The following RAD9B variants were observed in gnomAD, a reference collection of about 807,000 sequenced individuals.
RAD9B encodes the protein RAD9 checkpoint clamp component B, also known as cell cycle checkpoint control protein RAD9B.
In RAD9B, 41 loss-of-function variants were observed where a neutral mutation model predicts 48.3. The observed-to-expected ratio is 0.85, with a 90% CI of 0.66 to 1.10. The LOEUF is 1.10. Ranked by LOEUF, RAD9B falls within the 50% of genes least tolerant of loss-of-function variation. The probability of loss-of-function intolerance (pLI) is 0.00; values close to 1 mark genes in which losing one functional copy is unlikely to be tolerated. For missense variants in RAD9B, 444 were observed against 485.1 expected (o/e 0.92, Z 0.80); for synonymous variants, 160 against 157.9 (o/e 1.01, Z -0.10).
chr12:110,522,027 T>G, intron 9 of RAD9B, 150 bp from the exon 10 acceptor site: 1 of 596,628 alleles, frequency 1.7e-6, no homozygotes, highest in Non-Finnish European at 3.0e-6. Context: ...ATCATATATA[T>G]AAATTTTAAC....
chr12:110,508,535 G>A (rs2063360432), intron 4 of RAD9B, among the ~76,000 whole-genome samples: 1 of 152,224 alleles, frequency 6.6e-6, no homozygotes, highest in Non-Finnish European at 1.5e-5. Flanking sequence ...AATAAAAACA[G>A]ACGGTCCAAC....
chr12:110,532,352 G>A lies in RAD9B; in HGVS notation c.*1699G>A, dbSNP rs74550625. Among the ~76,000 whole-genome samples, 16 of 152,314 alleles carry A rather than the reference G, an allele frequency of 1.1e-4. 1 individual carries two copies. The East Asian group carries it at 3.1e-3, about 29-fold the overall frequency. ...TTCATTCATTGAAGTAGGCAGAGGG[G>A]TTTAGGTCTTAAAGGCATCATCATC... On this transcript the variant is annotated 3_prime_UTR_variant, in exon 11 of 11. Transcript: ENST00000409300.
Position 110,530,685 on chromosome 12 carries a change from C to G in RAD9B, c.*32C>G. On this transcript the variant is annotated 3_prime_UTR_variant, in exon 11 of 11. Coordinates refer to ENST00000409300, the MANE Select transcript of RAD9B (RefSeq NM_001286535.2). ...ATGATGGCTGAGCTGGGCCCCAGCC[C>G]AGTGACTGGCTCATTTGCCCCTCAA... 1 of 1,611,784 alleles carries G rather than the reference C, an allele frequency of 6.2e-7. No individual in the cohort carries two copies. Among genetic ancestry groups the G allele is most frequent in the Non-Finnish European group, 8.5e-7 (1 of 1,178,640 alleles).
chr12:110,507,332 TTATATA>T (rs1391336530), intron 4 of RAD9B, among the ~76,000 whole-genome samples: 1 of 146,036 alleles, frequency 6.8e-6, no homozygotes, highest in South Asian at 2.1e-4. Flanking sequence ...AGCTGCTTGA[TTATATA>T]TATGTATATT....
intron 4 of RAD9B, among the ~76,000 whole-genome samples, chr12:110,508,562 A>G (rs1377057476): frequency 6.6e-6 from 1 of 152,256 alleles, no homozygotes; most frequent in East Asian, 1.9e-4. Context: ...TAGCTTAAAA[A>G]ATAAAGTATT....
At position 110,531,962 on chromosome 12, in the gene RAD9B, G is replaced by T; in HGVS notation, c.*1309G>T. ...GAGAAATTCATAAAGGTGGCTGAGTGGATTTGCATGCTTTAGAACTGTGAA... is the reference window on the plus strand; with the variant it reads ...GAGAAATTCATAAAGGTGGCTGAGTTGATTTGCATGCTTTAGAACTGTGAA... On this transcript the variant is annotated 3_prime_UTR_variant, in exon 11 of 11. Coordinates refer to ENST00000409300, the MANE Select transcript of RAD9B (RefSeq NM_001286535.2). 1 of 274,938 alleles carries T rather than the reference G, an allele frequency of 3.6e-6. No homozygotes were observed. The highest frequency in any genetic ancestry group is 4.9e-5 in the South Asian group (1 of 20,320). 17.0% of individuals were successfully genotyped at this position (274,938 alleles called of 1,614,324 possible). A position where few individuals can be genotyped will look rare whatever the true frequency, so the allele number is the denominator to read the frequency against.
intron 6 of RAD9B, among the ~76,000 whole-genome samples, chr12:110,515,764 A>T (rs139720157): frequency 6.6e-6 from 1 of 152,194 alleles, no homozygotes; most frequent in African/African-American, 2.4e-5. Context: ...TAAGGAGAGG[A>T]TACAAAGGAA....
intron 2 of RAD9B, among the ~76,000 whole-genome samples, chr12:110,505,352 G>T (rs1273764133): frequency 6.6e-6 from 1 of 152,032 alleles, no homozygotes; most frequent in Non-Finnish European, 1.5e-5. Flanking sequence ...AACATCCCAT[G>T]TTCTTATTTG....
In RAD9B at chr12:110,515,084, A is replaced by G. The variant is rs937421105; in HGVS notation, c.523A>G (p.Ser175Gly). The G allele has an allele frequency of 5.1e-6, 8 of 1,556,000 alleles. No homozygotes were observed. Among genetic ancestry groups the G allele is most frequent in the Non-Finnish European group, 7.0e-6 (8 of 1,148,362 alleles). Residue 175 changes from serine to glycine, a missense_variant, in exon 6 of 11, where the codon AGT becomes GGT. Transcript: ENST00000409300. ...TGATGCCATTGTTCTTTTTACATCA[A>G]GTCAAGAGGAAGTTACTCTTGCTGT... is the stretch of plus-strand genomic sequence containing the variant. The part of the protein sequence containing the change: ...LADAIVLFTS[S>G]QEEVTLAVTP...
At chr12:110,520,628 CTTTTT>C (rs71083129) in intron 9 of RAD9B, among the ~76,000 whole-genome samples, 253 of 99,984 alleles carry the variant, frequency 2.5e-3, no homozygotes, top group African/African-American at 9.0e-3. Flanking sequence ...TTCTTGCTTT[CTTTTT>C]TTTTTTTTTT....
chr12:110,506,234 G>A (rs2063262296), intron 3 of RAD9B, among the ~76,000 whole-genome samples: 2 of 147,992 alleles, frequency 1.4e-5, no homozygotes, highest in South Asian at 4.2e-4. Flanking sequence ...TGTCGCCCAG[G>A]CTGGAGTGCG....
rs1262929089 is a variant in RAD9B at position 110,519,799 on chromosome 12, T to C, written c.773T>C (p.Leu258Pro). ...CTCTGACTTGGCTTTTTTAGACCTC[T>C]GGCTTTGAGTATTGATGATATGTTA... ...SIYFDFPGKP[L>P]ALSIDDMLVE... Residue 258 changes from leucine (L) to proline (P), a missense_variant, in exon 9 of 11, where the codon CTG becomes CCG. Leu to Pro is a moderately conservative substitution (Grantham distance 98). Coordinates refer to ENST00000409300, the MANE Select transcript of RAD9B (RefSeq NM_001286535.2). 1.9e-6 allele frequency: 3 copies of C among 1,607,128 alleles called. No individual in the cohort carries two copies. Among genetic ancestry groups the C allele is most frequent in the East Asian group, 4.5e-5 (2 of 44,628 alleles).
At chr12:110,518,651 T>G in intron 6 of RAD9B, 25 bp from the exon 7 acceptor site, 1 of 1,479,730 alleles carries the variant, frequency 6.8e-7, no homozygotes. Context: ...AATTTTATTC[T>G]TTATTTTCCC....
chr12:110,510,371 C>T (rs1593053277), intron 4 of RAD9B, among the ~76,000 whole-genome samples: 1 of 152,304 alleles, frequency 6.6e-6, no homozygotes, highest in East Asian at 1.9e-4. Context: ...GCAGCCCCTC[C>T]CTTCAATACC....
chr12:110,526,509 C>T lies in RAD9B; in HGVS notation c.1126-4016C>T, dbSNP rs1361246124. The stretch of plus-strand genomic sequence containing the variant: ...CACAAACATTATCAAGAGCTATTTG[C>T]ACGTGATGATATACACTGAACAGAC... On this transcript the variant is annotated intron_variant, in intron 10 of 10. Transcript: ENST00000409300. 2.0e-5 allele frequency among the ~76,000 whole-genome samples: 3 copies of T among 152,276 alleles called. No homozygotes were observed. The East Asian group carries it at 5.8e-4, about 29-fold the overall frequency.
chr12:110,526,401 A>G (rs79186272), intron 10 of RAD9B, among the ~76,000 whole-genome samples: 378 of 152,292 alleles, frequency 2.5e-3, no homozygotes, highest in African/African-American at 8.8e-3. Flanking sequence ...GGTAGCAAAT[A>G]GCATTTACTC....
At chr12:110,505,484 T>C (rs77994744) in intron 2 of RAD9B, 133 bp from the exon 3 acceptor site, 7,601 of 589,506 alleles carry the variant, frequency 0.013, 73 homozygotes, top group South Asian at 0.027. Flanking sequence ...TCTTGCTCTG[T>C]TGGCCAGGCT....
chr12:110,523,104 A>G (rs2063833488), intron 10 of RAD9B, among the ~76,000 whole-genome samples: 1 of 152,170 alleles, frequency 6.6e-6, no homozygotes, highest in Non-Finnish European at 1.5e-5. Flanking sequence ...AGTTAGAATT[A>G]GAAATTTGAA....
intron 10 of RAD9B, among the ~76,000 whole-genome samples, chr12:110,529,139 G>A (rs891362424): frequency 6.6e-6 from 1 of 151,976 alleles, no homozygotes; most frequent in Non-Finnish European, 1.5e-5. Flanking sequence ...AATGGGATGA[G>A]GTTAGGCTAT....
Sources: gnomAD v4.1 joint callset for allele counts (sites outside exome capture counted in the v4.1 genomes callset) on GRCh38, gnomAD v4.1.1 for gene constraint, MANE v1.5 for transcripts, NCBI Gene and HGNC (gene_info 2026-07-23, HGNC 2026-07-21) for gene names.